The following WNT3A variants were observed in gnomAD, a reference collection of about 807,000 sequenced individuals.
WNT3A encodes the protein Wnt family member 3A.
Under a neutral mutation model 37.0 loss-of-function variants are expected in WNT3A, and 17 were observed. The ratio of observed to expected loss-of-function variants is 0.46; its 90% CI spans 0.31 to 0.69. The LOEUF (loss-of-function observed/expected upper bound fraction) is 0.69. Among genes scored for constraint, WNT3A ranks in the 30% least tolerant of loss-of-function variants. The pLI is 0.05. For missense variants in WNT3A, 411 were observed against 510.2 expected, an observed-to-expected ratio of 0.81 and a Z score of 1.87; for synonymous variants, 187 against 211.0, an observed-to-expected ratio of 0.89 and a Z score of 0.99.
Position 228,022,697 on chromosome 1 carries a change from C to T in WNT3A, c.102C>T (p.Ser34=). ...TGGCTGTTGGGCCACAGTATTCCTCCCTGGGCTCGCAGCCCATCCTGTGTG... is the reference window on the plus strand; with the variant it reads ...TGGCTGTTGGGCCACAGTATTCCTCTCTGGGCTCGCAGCCCATCCTGTGTG... ...WSLAVGPQYS[S]LGSQPILCAS... The change falls in exon 2 of 4, where the codon TCC becomes TCT. Residue 34 remains serine, a synonymous_variant. Coordinates refer to ENST00000284523, the MANE Select transcript of WNT3A (RefSeq NM_033131.4). 6.2e-7 allele frequency: 1 copy of T among 1,614,130 alleles called. No individual in the cohort carries two copies. The highest frequency in any genetic ancestry group is 1.7e-5 in the Admixed American group (1 of 60,026).
intron 3 of WNT3A, among the ~76,000 whole-genome samples, chr1:228,051,465 T>C (rs954725053): frequency 1.3e-4 from 20 of 152,218 alleles, no homozygotes; most frequent in Admixed American, 9.8e-4. Context: ...TGTCTTATTC[T>C]GTCTGTGCTG....
intron 2 of WNT3A, among the ~76,000 whole-genome samples, chr1:228,032,531 C>T (rs1180863226): frequency 6.6e-6 from 1 of 152,222 alleles, no homozygotes; most frequent in African/African-American, 2.4e-5. Context: ...ACCAGAACTT[C>T]CTTCCCTTTT....
chr1:228,013,859 G>A (rs73110737), intron 1 of WNT3A, among the ~76,000 whole-genome samples: 1,580 of 152,298 alleles, frequency 0.01, 40 homozygotes, highest in African/African-American at 0.036. Context: ...CCTTATCACC[G>A]CCCATGGAGT....
chr1:228,043,435 C>G (rs949308311), intron 2 of WNT3A, among the ~76,000 whole-genome samples: 1 of 152,228 alleles, frequency 6.6e-6, no homozygotes, highest in Non-Finnish European at 1.5e-5. Flanking sequence ...GGAACTCCGA[C>G]AGTCCACTCT....
rs537176471 is a variant in WNT3A, at chr1:228,037,328, C to A, written c.314-13328C>A. Among the ~76,000 whole-genome samples the A allele has an allele frequency of 1.3e-5, 2 of 152,292 alleles. No individual in the cohort carries two copies. Among genetic ancestry groups the A allele is most frequent in the African/African-American group, 4.8e-5 (2 of 41,566 alleles). Reference sequence around the variant, plus strand: ...TCCTGGTTGGTGCCCCAGGACCCCTCCAGCCCCAAAGGGTGGGGAGAGTAA... The same window carrying A: ...TCCTGGTTGGTGCCCCAGGACCCCTACAGCCCCAAAGGGTGGGGAGAGTAA... On this transcript the variant is annotated intron_variant, in intron 2 of 3. Transcript: ENST00000284523. This position sits in a 1 kb window ranked among gnomAD's most constrained non-coding sequence, Gnocchi z 4.1.
chr1:228,049,320 T>G (rs1179099294), intron 2 of WNT3A, among the ~76,000 whole-genome samples: 1 of 152,216 alleles, frequency 6.6e-6, no homozygotes, highest in Non-Finnish European at 1.5e-5. Context: ...TTAGCTCTTG[T>G]CTGGTTTTAC....
intron 3 of WNT3A, among the ~76,000 whole-genome samples, chr1:228,055,434 A>G (rs2031665246): frequency 6.6e-6 from 1 of 151,522 alleles, no homozygotes; most frequent in African/African-American, 2.4e-5. Context: ...AGGTAATAGT[A>G]GATATAGATG....
chr1:228,041,247 C>A (rs925887189), intron 2 of WNT3A, among the ~76,000 whole-genome samples: 4 of 152,144 alleles, frequency 2.6e-5, no homozygotes, highest in African/African-American at 9.7e-5. Flanking sequence ...AAGCTCATCT[C>A]ATGATTCCCT....
intron 2 of WNT3A, among the ~76,000 whole-genome samples, chr1:228,023,616 C>T (rs1298052581): frequency 2.6e-5 from 4 of 151,898 alleles, no homozygotes; most frequent in Non-Finnish European, 5.9e-5. Context: ...GAGACAGAGA[C>T]GGAGAGAACA....
At chr1:228,014,397 G>A (rs1407408500) in intron 1 of WNT3A, among the ~76,000 whole-genome samples, 1 of 152,128 alleles carries the variant, frequency 6.6e-6, no homozygotes, top group African/African-American at 2.4e-5. Context: ...AGGTCCCCAC[G>A]CCCCCAGCAA....
At chr1:228,032,146 C>CG (rs1404355663) in intron 2 of WNT3A, among the ~76,000 whole-genome samples, 2 of 152,232 alleles carry the variant, frequency 1.3e-5, no homozygotes, top group African/African-American at 4.8e-5. Context: ...GCGGGGAGGG[C>CG]TCCTGCCCAT....
intron 2 of WNT3A, among the ~76,000 whole-genome samples, chr1:228,025,676 G>C (rs1249830014): frequency 6.6e-6 from 1 of 152,114 alleles, no homozygotes; most frequent in Non-Finnish European, 1.5e-5. Context: ...GCCATGTTTT[G>C]TAGTTTTCAG....
chr1:228,030,759 C>T (rs1441614071), intron 2 of WNT3A, among the ~76,000 whole-genome samples: 2 of 152,340 alleles, frequency 1.3e-5, no homozygotes, highest in East Asian at 1.9e-4. Context: ...CCAGGAACAC[C>T]CTTTCTCCTG....
chr1:228,019,692 C>A (rs1457765436), intron 1 of WNT3A, among the ~76,000 whole-genome samples: 2 of 152,232 alleles, frequency 1.3e-5, no homozygotes, highest in Non-Finnish European at 2.9e-5. Flanking sequence ...CTGAAGTCAG[C>A]CTGCTTTATC....
At chr1:228,018,891 G>A (rs1571794995) in intron 1 of WNT3A, among the ~76,000 whole-genome samples, 1 of 152,216 alleles carries the variant, frequency 6.6e-6, no homozygotes, top group African/African-American at 2.4e-5. Context: ...CTATCAGAAG[G>A]AGAAATCTCT....
At position 228,059,704 on chromosome 1, in the gene WNT3A, T is replaced by G; in HGVS notation, c.*239T>G. ...TCCTGAATGAGGCGGAGCTCCAGGA[T>G]GGGGAGGGGCTCTGCGTTGGCTTCT... On this transcript the variant is annotated 3_prime_UTR_variant, in exon 4 of 4. Coordinates refer to ENST00000284523, the MANE Select transcript of WNT3A (RefSeq NM_033131.4). 1.5e-6 allele frequency: 2 copies of G among 1,329,682 alleles called. No homozygotes were observed. Among genetic ancestry groups the G allele is most frequent in the Non-Finnish European group, 9.6e-7 (1 of 1,046,410 alleles). The allele number at this position is 1,329,682 out of a possible 1,614,324, so 82.4% of individuals were successfully genotyped here. A position where few individuals can be genotyped will look rare whatever the true frequency, so the allele number is the denominator to read the frequency against.
chr1:228,024,850 G>T (rs1210827995), intron 2 of WNT3A, among the ~76,000 whole-genome samples: 3 of 151,986 alleles, frequency 2.0e-5, no homozygotes, highest in Non-Finnish European at 4.4e-5. Context: ...ACATTTTTTT[G>T]CATATGGAAA....
chr1:228,054,611 G>A (rs1263348219), intron 3 of WNT3A, among the ~76,000 whole-genome samples: 3 of 130,660 alleles, frequency 2.3e-5, no homozygotes, highest in Admixed American at 8.4e-5. Flanking sequence ...CTGGGCGACA[G>A]AGTGAGACTC....
At chr1:228,020,693 T>C (rs1662987411) in intron 1 of WNT3A, among the ~76,000 whole-genome samples, 1 of 152,152 alleles carries the variant, frequency 6.6e-6, no homozygotes, top group South Asian at 2.1e-4. Flanking sequence ...GCAGGATACC[T>C]GCGTGTAGTG....
Sources: gnomAD v4.1 joint callset for allele counts (sites outside exome capture counted in the v4.1 genomes callset) on GRCh38, gnomAD v4.1.1 for gene constraint, Gnocchi (gnomAD v3.1) non-coding constraint, MANE v1.5 for transcripts, NCBI Gene and HGNC (gene_info 2026-07-23, HGNC 2026-07-21) for gene names.